RGS6: variants seen among roughly 807,000 people sequenced by gnomAD.
RGS6 encodes regulator of G-protein signaling 6.
RGS6 carries 30 observed loss-of-function variants against 78.5 expected under a neutral mutation model. The observed-to-expected ratio is 0.38, with a 90% CI of 0.29 to 0.52. The LOEUF is 0.52. RGS6 is among the 20% of genes least tolerant of loss of function. RGS6 has a pLI of 0.85. For synonymous variants in RGS6, 206 were observed against 206.0 expected (o/e 1.00, Z 0.00); for missense variants, 495 against 609.7 (o/e 0.81, Z 1.98).
At chr14:71,937,657 G>T (rs1034013222) in intron 1 of RGS6, among the ~76,000 whole-genome samples, 1 of 152,222 alleles carries the variant, frequency 6.6e-6, no homozygotes, top group Non-Finnish European at 1.5e-5. Context: ...TGGCCATAAA[G>T]TGAGTGCCTT....
At chr14:72,284,107 G>C (rs991349956) in intron 2 of RGS6, among the ~76,000 whole-genome samples, 1 of 152,336 alleles carries the variant, frequency 6.6e-6, no homozygotes, top group East Asian at 1.9e-4. Context: ...AACCATTCAA[G>C]ATGTGAGTTT....
chr14:72,349,274 C>T (rs916166380), intron 2 of RGS6, among the ~76,000 whole-genome samples: 1 of 152,172 alleles, frequency 6.6e-6, no homozygotes, highest in Non-Finnish European at 1.5e-5. Flanking sequence ...ACCATTTGCT[C>T]CAGATGTCTC....
chr14:71,993,805 T>C (rs1241951463), intron 2 of RGS6, among the ~76,000 whole-genome samples: 2 of 152,076 alleles, frequency 1.3e-5, no homozygotes, highest in Admixed American at 6.6e-5. Flanking sequence ...ACTTGTATTA[T>C]TATGAAGATT....
At chr14:72,296,179 G>A (rs745336199) in intron 2 of RGS6, among the ~76,000 whole-genome samples, 1 of 152,124 alleles carries the variant, frequency 6.6e-6, no homozygotes, top group East Asian at 1.9e-4. Context: ...CCATGTTGCA[G>A]CATATGGCCA....
intron 2 of RGS6, among the ~76,000 whole-genome samples, chr14:72,234,726 G>A (rs2050556112): frequency 6.6e-6 from 1 of 151,996 alleles, no homozygotes; most frequent in South Asian, 2.1e-4. Flanking sequence ...ATCATCATCA[G>A]CCCATTGGGC....
At chr14:72,554,836 G>A (rs1016654188) in intron 17 of RGS6, among the ~76,000 whole-genome samples, 5 of 152,354 alleles carry the variant, frequency 3.3e-5, no homozygotes, top group East Asian at 3.9e-4. Flanking sequence ...ACTTGGACGC[G>A]AGACCGGGGA....
At chr14:72,540,900 A>C in intron 17 of RGS6, 1 of 985,378 alleles carries the variant, frequency 1.0e-6, no homozygotes, top group Non-Finnish European at 1.2e-6. Flanking sequence ...CCGTGGCAAC[A>C]GGTGGGAGTG....
intron 10 of RGS6, among the ~76,000 whole-genome samples, 176 bp downstream of exon 10, chr14:72,474,875 AGGATACAGTGGCAGGTCCTCAT>A (rs2096193970): frequency 6.6e-6 from 1 of 152,242 alleles, no homozygotes; most frequent in Non-Finnish European, 1.5e-5. Flanking sequence ...TGCTCGTGCT[AGGATACAGTGGCAGGTCCTCAT>A]GGAGCCCACA....
In RGS6 at chr14:72,352,190, C is replaced by T. The variant is rs1476849714; in HGVS notation, c.180C>T (p.Val60=). 1 of 1,611,426 alleles carries T rather than the reference C, an allele frequency of 6.2e-7. No homozygotes were observed. The highest frequency in any genetic ancestry group is 1.7e-5 in the Admixed American group (1 of 59,842). ...KSFLSKIPSV[V]TGTDIVQWLM... is the part of the protein sequence containing the mutation. ...TTCTCTCCAAAATCCCCAGTGTCGT[C>T]ACAGGTAACACCCTCCTTGCAAGGT... The change falls in exon 3 of 18, where the codon GTC becomes GTT. Residue 60 remains valine, a synonymous_variant. Coordinates refer to ENST00000553525, the MANE Select transcript of RGS6 (RefSeq NM_001204424.2).
chr14:72,080,114 C>G (rs117423426), intron 2 of RGS6, among the ~76,000 whole-genome samples: 1 of 152,054 alleles, frequency 6.6e-6, no homozygotes, highest in African/African-American at 2.4e-5. Context: ...ACCTTCAGAC[C>G]ATTTCCATAA....
chr14:72,296,707 G>A (rs79279265), intron 2 of RGS6, among the ~76,000 whole-genome samples: 7,463 of 152,096 alleles, frequency 0.049, 542 homozygotes, highest in African/African-American at 0.17. Flanking sequence ...TAAGATACAG[G>A]TCTGGGAAAT....
chr14:72,085,309 A>T (rs1240913127), intron 2 of RGS6, among the ~76,000 whole-genome samples: 2 of 152,146 alleles, frequency 1.3e-5, no homozygotes, highest in Admixed American at 1.3e-4. Flanking sequence ...ATCTTAATTT[A>T]TGTGTGAAGA....
downstream of RGS6, among the ~76,000 whole-genome samples, chr14:72,568,824 C>T (rs1236074250): frequency 5.3e-5 from 8 of 152,206 alleles, no homozygotes; most frequent in Non-Finnish European, 1.0e-4. Flanking sequence ...GACCTGCCTC[C>T]GTCCTCTGAG....
chr14:72,066,796 A>G (rs903658321), intron 2 of RGS6, among the ~76,000 whole-genome samples: 98 of 151,456 alleles, frequency 6.5e-4, no homozygotes, highest in African/African-American at 2.2e-3. Context: ...GTGTTCTTAT[A>G]CTTTAGAGGC....
chr14:72,553,610 G>C (rs1204618155), intron 17 of RGS6, among the ~76,000 whole-genome samples: 1 of 152,156 alleles, frequency 6.6e-6, no homozygotes, highest in Non-Finnish European at 1.5e-5. Flanking sequence ...AAATGATGCT[G>C]AGATGAGTCC....
At chr14:72,435,531 A>G (rs1048074103) in intron 3 of RGS6, among the ~76,000 whole-genome samples, 1 of 152,224 alleles carries the variant, frequency 6.6e-6, no homozygotes, top group African/African-American at 2.4e-5. Flanking sequence ...TTAAAACAAC[A>G]CACATTTATC....
At chr14:72,413,362 T>G (rs2093571357) in intron 3 of RGS6, among the ~76,000 whole-genome samples, 1 of 152,210 alleles carries the variant, frequency 6.6e-6, no homozygotes, top group South Asian at 2.1e-4. Flanking sequence ...TGGTTTAAAG[T>G]CTGTTTTATC....
At chr14:72,428,855 C>A (rs543161898) in intron 3 of RGS6, among the ~76,000 whole-genome samples, 1 of 152,340 alleles carries the variant, frequency 6.6e-6, no homozygotes, top group South Asian at 2.1e-4. Flanking sequence ...TGGATGAGGT[C>A]TTGCTCAAGC....
At chr14:72,031,336 G>A (rs1464294958) in intron 2 of RGS6, among the ~76,000 whole-genome samples, 1 of 152,034 alleles carries the variant, frequency 6.6e-6, no homozygotes, top group Non-Finnish European at 1.5e-5. Context: ...ATATTTGTAT[G>A]GACTGTTAGG....
Sources: allele counts gnomAD v4.1 joint callset (sites outside exome capture counted in the v4.1 genomes callset), GRCh38; gene constraint gnomAD v4.1.1; transcripts MANE v1.5; gene names NCBI Gene and HGNC (gene_info 2026-07-23, HGNC 2026-07-21).